Variants in CTNNA3 observed in about 807,000 individuals in gnomAD.
CTNNA3 encodes catenin alpha-3.
Under a neutral mutation model 95.7 loss-of-function variants are expected in CTNNA3, and 76 were observed. The observed-to-expected ratio is 0.79, with a 90% CI of 0.66 to 0.96. The LOEUF is 0.96. CTNNA3 is among the 40% of genes least tolerant of loss of function. The pLI, the probability that CTNNA3 is intolerant of heterozygous loss-of-function variation, is 0.00. For synonymous variants in CTNNA3, 431 were observed against 374.4 expected, an observed-to-expected ratio of 1.15 and a Z score of -1.74; for missense variants, 1,191 against 1,089.8, an observed-to-expected ratio of 1.09 and a Z score of -1.31.
At chr10:66,932,041 C>T (rs1270157743) in intron 7 of CTNNA3, among the ~76,000 whole-genome samples, 4 of 152,144 alleles carry the variant, frequency 2.6e-5, no homozygotes, top group South Asian at 2.1e-4. Context: ...CCTCCCCTTC[C>T]GGCTTTAGAA....
intron 5 of CTNNA3, among the ~76,000 whole-genome samples, chr10:67,265,753 C>T (rs1007416893): frequency 2.2e-4 from 33 of 152,162 alleles, no homozygotes; most frequent in African/African-American, 7.5e-4. Context: ...GAGATGCCTC[C>T]TCCTCAGCCT....
intron 7 of CTNNA3, among the ~76,000 whole-genome samples, chr10:66,916,199 C>G (rs1487220470): frequency 6.6e-6 from 1 of 152,202 alleles, no homozygotes; most frequent in Non-Finnish European, 1.5e-5. Context: ...GCAACACAGT[C>G]TAGTACACCA....
intron 7 of CTNNA3, among the ~76,000 whole-genome samples, chr10:66,865,071 C>T (rs966781977): frequency 1.3e-5 from 2 of 151,982 alleles, no homozygotes; most frequent in Non-Finnish European, 2.9e-5. Context: ...GTTGGGATGA[C>T]ACCAAAAAAA....
chr10:66,061,920 AATTT>A (rs2080209121), intron 15 of CTNNA3, among the ~76,000 whole-genome samples: 1 of 152,128 alleles, frequency 6.6e-6, no homozygotes, highest in Non-Finnish European at 1.5e-5. Context: ...CTGATGTGTC[AATTT>A]GTTTCTTCCT....
intron 7 of CTNNA3, among the ~76,000 whole-genome samples, chr10:67,139,218 C>T (rs1158001368): frequency 6.6e-6 from 1 of 152,056 alleles, no homozygotes; most frequent in Non-Finnish European, 1.5e-5. Flanking sequence ...CTGCAACCTC[C>T]GCCTCCCAGG....
chr10:65,996,148 G>A (rs78115472), intron 15 of CTNNA3, among the ~76,000 whole-genome samples: 4,871 of 152,228 alleles, frequency 0.032, 280 homozygotes, highest in African/African-American at 0.11. Context: ...GGAAGTATAC[G>A]CTTCAGTGTC....
At chr10:66,580,660 A>G (rs1410940426) in intron 10 of CTNNA3, among the ~76,000 whole-genome samples, 1 of 151,796 alleles carries the variant, frequency 6.6e-6, no homozygotes, top group East Asian at 1.9e-4. Context: ...TTATGTTAAA[A>G]GACTATGGAT....
At chr10:66,007,604 C>A (rs1200632288) in intron 15 of CTNNA3, among the ~76,000 whole-genome samples, 3 of 152,146 alleles carry the variant, frequency 2.0e-5, no homozygotes, top group African/African-American at 7.2e-5. Flanking sequence ...TAGACTAACA[C>A]CATACTTAAA....
intron 7 of CTNNA3, among the ~76,000 whole-genome samples, chr10:66,890,413 T>C (rs1845222871): frequency 6.6e-6 from 1 of 150,766 alleles, no homozygotes; most frequent in African/African-American, 2.4e-5. Flanking sequence ...GAGGAGAACA[T>C]GAAAACATTT....
rs909190112 is a variant in CTNNA3 at position 66,082,386 on chromosome 10, G to C, written c.1978-12897C>G. ...AACATAAGACAAATTCAAATTATAT[G>C]AGATTCTATAAAATACTTCATCTGT... On this transcript the variant is annotated intron_variant, in intron 14 of 17. Transcript: ENST00000433211. Among the ~76,000 whole-genome samples the C allele has an allele frequency of 2.0e-5, 3 of 152,148 alleles. No homozygotes were observed. The South Asian group carries it at 6.2e-4, about 32-fold the overall frequency.
intron 7 of CTNNA3, among the ~76,000 whole-genome samples, chr10:66,894,250 T>G (rs2132502669): frequency 6.6e-6 from 1 of 152,218 alleles, no homozygotes; most frequent in South Asian, 2.1e-4. Flanking sequence ...AGCAGAGTTT[T>G]ACAGGTAAAG....
intron 7 of CTNNA3, among the ~76,000 whole-genome samples, chr10:67,133,290 C>A: frequency 3.1e-5 from 3 of 95,688 alleles, no homozygotes; most frequent in East Asian, 3.1e-4. Context: ...ATAGCCTTAG[C>A]TAGAGCATAT....
chr10:67,486,530 T>G (rs1371569941), intron 5 of CTNNA3, among the ~76,000 whole-genome samples: 2 of 152,156 alleles, frequency 1.3e-5, no homozygotes, highest in Admixed American at 1.3e-4. Context: ...CCTACCATAC[T>G]TTGGTAGGTC....
intron 14 of CTNNA3, among the ~76,000 whole-genome samples, chr10:66,093,269 A>C (rs2081278293): frequency 6.6e-6 from 1 of 152,116 alleles, no homozygotes; most frequent in Non-Finnish European, 1.5e-5. Flanking sequence ...CTTAAAGATC[A>C]AACTGCTCAA....
chr10:66,712,330 GAT>G (rs1270113597), intron 9 of CTNNA3, among the ~76,000 whole-genome samples: 1 of 152,044 alleles, frequency 6.6e-6, no homozygotes, highest in Non-Finnish European at 1.5e-5. Flanking sequence ...TAAAATTCTT[GAT>G]GAGTAAAGAG....
At chr10:67,391,026 A>T (rs1844449709) in intron 5 of CTNNA3, among the ~76,000 whole-genome samples, 1 of 152,116 alleles carries the variant, frequency 6.6e-6, no homozygotes, top group Non-Finnish European at 1.5e-5. Flanking sequence ...TACCACTCCT[A>T]TTCAACATAG....
intron 7 of CTNNA3, among the ~76,000 whole-genome samples, chr10:67,121,698 C>T (rs985123291): frequency 6.6e-6 from 1 of 151,734 alleles, no homozygotes; most frequent in Non-Finnish European, 1.5e-5. Context: ...AAGTACTGGG[C>T]ATGAAAAAAT....
intron 13 of CTNNA3, among the ~76,000 whole-genome samples, chr10:66,117,817 T>C (rs1391892300): frequency 1.3e-5 from 2 of 152,212 alleles, no homozygotes; most frequent in Non-Finnish European, 1.5e-5. Flanking sequence ...GCCAATATTA[T>C]TGACAACTAT....
At chr10:67,081,913 A>G (rs1225607012) in intron 7 of CTNNA3, among the ~76,000 whole-genome samples, 1 of 152,184 alleles carries the variant, frequency 6.6e-6, no homozygotes. Flanking sequence ...TTATGTTTAT[A>G]TGCATGGATC....
Sources: allele counts gnomAD v4.1 joint callset (sites outside exome capture counted in the v4.1 genomes callset), GRCh38; gene constraint gnomAD v4.1.1; transcripts MANE v1.5; gene names NCBI Gene and HGNC (gene_info 2026-07-23, HGNC 2026-07-21).